Variants in RAB8B observed in about 807,000 individuals in gnomAD.
The protein encoded by RAB8B is RAB8B, member RAS oncogene family.
A neutral mutation model predicts 32.0 loss-of-function variants in RAB8B; 11 were observed. That is an observed-to-expected ratio of 0.34 (90% confidence interval 0.22 to 0.57). The LOEUF (loss-of-function observed/expected upper bound fraction) is 0.57, where lower values mean the gene tolerates loss of function less well. Among genes scored for constraint, RAB8B ranks in the 20% least tolerant of loss-of-function variants. The pLI, the probability that RAB8B is intolerant of heterozygous loss-of-function variation, is 0.86. For missense variants in RAB8B, 190 were observed against 258.5 expected (o/e 0.73, Z 1.82); for synonymous variants, 103 against 89.6 (o/e 1.15, Z -0.85).
At chr15:63,222,250 C>G (rs184836434) in intron 1 of RAB8B, among the ~76,000 whole-genome samples, 154 of 152,270 alleles carry the variant, frequency 1.0e-3, no homozygotes, top group Admixed American at 4.0e-3. Flanking sequence ...CCTATAACAC[C>G]ATCTCCTCCT....
chr15:63,207,825 A>G (rs542646483), intron 1 of RAB8B, among the ~76,000 whole-genome samples: 280 of 152,140 alleles, frequency 1.8e-3, no homozygotes, highest in Middle Eastern at 3.4e-3. Context: ...CGGCCTTCCA[A>G]AGTGCTGGGA....
intron 2 of RAB8B, among the ~76,000 whole-genome samples, chr15:63,249,109 G>A (rs1157029007): frequency 1.3e-5 from 2 of 152,062 alleles, no homozygotes; most frequent in African/African-American, 4.8e-5. Context: ...TGAACTCCAG[G>A]TCCCCATGAA....
intron 6 of RAB8B, among the ~76,000 whole-genome samples, chr15:63,261,843 A>G (rs1157262539): frequency 6.6e-6 from 1 of 152,240 alleles, no homozygotes; most frequent in Non-Finnish European, 1.5e-5. Context: ...AATCTTTAAC[A>G]GTTCCTGGCT....
At chr15:63,252,634 A>G (rs976537501) in intron 3 of RAB8B, among the ~76,000 whole-genome samples, 1 of 152,194 alleles carries the variant, frequency 6.6e-6, no homozygotes. Context: ...AGCCAAACAC[A>G]TTGCATCAGG....
At chr15:63,253,344 A>G (rs962581880) in intron 3 of RAB8B, among the ~76,000 whole-genome samples, 1 of 152,136 alleles carries the variant, frequency 6.6e-6, no homozygotes, top group Admixed American at 6.5e-5. Flanking sequence ...TATGATTTAT[A>G]TTTATTTATA....
intron 1 of RAB8B, among the ~76,000 whole-genome samples, chr15:63,240,625 T>C (rs1361482062): frequency 1.3e-5 from 2 of 152,102 alleles, no homozygotes; most frequent in African/African-American, 4.8e-5. Context: ...CATATGGTGC[T>C]AATTTGACTT....
rs762065157 is a variant in RAB8B, at chr15:63,256,523, G to T, written c.343G>T (p.Glu115Ter). ...CCTGCAGCATGCCTCTTCCGATGTC[G>T]AAAGAATGATCCTGGGTAACAAATG... ...NIEEHASSDV[E>*]RMILGNKCDM... Residue 115 changes from glutamate to a stop codon, truncating the protein, a stop_gained, in exon 5 of 8, where the codon GAA becomes TAA. Transcript: ENST00000321437. LOFTEE classifies it high-confidence loss of function. 1 of 1,601,264 alleles carries T rather than the reference G, an allele frequency of 6.2e-7. No homozygotes were observed. The highest frequency in any genetic ancestry group is 8.5e-7 in the Non-Finnish European group (1 of 1,176,124).
intron 1 of RAB8B, among the ~76,000 whole-genome samples, chr15:63,221,198 G>T (rs904198832): frequency 8.5e-5 from 13 of 152,142 alleles, no homozygotes; most frequent in African/African-American, 3.1e-4. Flanking sequence ...GCATTTCTGA[G>T]GTTTTATGCT....
intron 1 of RAB8B, among the ~76,000 whole-genome samples, chr15:63,213,942 G>C (rs1808066): frequency 6.6e-6 from 1 of 152,002 alleles, no homozygotes; most frequent in Non-Finnish European, 1.5e-5. Flanking sequence ...TTAGCTGGGC[G>C]TTGTGGCATG....
intron 5 of RAB8B, among the ~76,000 whole-genome samples, chr15:63,258,498 G>T (rs1302583757): frequency 6.6e-6 from 1 of 152,118 alleles, no homozygotes; most frequent in Admixed American, 6.5e-5. Context: ...ACCAGTGGAG[G>T]GTCTTGACTA....
chr15:63,199,104 G>A (rs2037626909), intron 1 of RAB8B, among the ~76,000 whole-genome samples: 1 of 152,182 alleles, frequency 6.6e-6, no homozygotes, highest in Admixed American at 6.5e-5. Flanking sequence ...CTTTTGGAAT[G>A]ACTCCAACCA....
chr15:63,253,056 A>G (rs1390087952), intron 3 of RAB8B, among the ~76,000 whole-genome samples: 1 of 152,190 alleles, frequency 6.6e-6, no homozygotes, highest in Non-Finnish European at 1.5e-5. Flanking sequence ...GCTGACCTTT[A>G]TAAAATAAAA....
intron 3 of RAB8B, among the ~76,000 whole-genome samples, chr15:63,253,355 T>A (rs2038132432): frequency 6.6e-6 from 1 of 152,214 alleles, no homozygotes; most frequent in African/African-American, 2.4e-5. Context: ...TTTATTTATA[T>A]TTTATGTTTA....
intron 1 of RAB8B, among the ~76,000 whole-genome samples, chr15:63,244,271 C>T (rs1004162931): frequency 7.2e-5 from 11 of 152,154 alleles, no homozygotes; most frequent in African/African-American, 2.7e-4. Flanking sequence ...AATAGATATG[C>T]AGGCTTTCCC....
intron 1 of RAB8B, among the ~76,000 whole-genome samples, chr15:63,190,302 C>G (rs1313524465): frequency 6.6e-6 from 1 of 151,816 alleles, no homozygotes; most frequent in Non-Finnish European, 1.5e-5. Flanking sequence ...AAGAAGGGGA[C>G]GGCTGGCCAC....
intron 1 of RAB8B, among the ~76,000 whole-genome samples, chr15:63,227,691 G>A (rs746312474): frequency 6.6e-6 from 1 of 152,126 alleles, no homozygotes; most frequent in East Asian, 1.9e-4. Flanking sequence ...AAAATAATCT[G>A]TGCATACCTG....
intron 1 of RAB8B, among the ~76,000 whole-genome samples, chr15:63,240,024 A>G (rs2038019158): frequency 6.6e-6 from 1 of 152,088 alleles, no homozygotes; most frequent in Admixed American, 6.6e-5. Flanking sequence ...GTCATGCAGG[A>G]GTGCAGGAAA....
At chr15:63,194,948 G>C (rs1436724555) in intron 1 of RAB8B, among the ~76,000 whole-genome samples, 2 of 152,164 alleles carry the variant, frequency 1.3e-5, no homozygotes, top group African/African-American at 4.8e-5. Context: ...ACTATTTTTG[G>C]TTGGTAGCAT....
chr15:63,240,161 C>T (rs931011968), intron 1 of RAB8B, among the ~76,000 whole-genome samples: 9 of 152,106 alleles, frequency 5.9e-5, no homozygotes, highest in Non-Finnish European at 8.8e-5. Context: ...GTTGGCTCCA[C>T]GGCTTCTTAA....
Sources: gnomAD v4.1 joint callset for allele counts (sites outside exome capture counted in the v4.1 genomes callset) on GRCh38, gnomAD v4.1.1 for gene constraint, MANE v1.5 for transcripts, NCBI Gene and HGNC (gene_info 2026-07-23, HGNC 2026-07-21) for gene names.